The following POR variants were observed in gnomAD, a reference collection of about 807,000 sequenced individuals.
The protein encoded by POR is cytochrome p450 oxidoreductase.
Under a neutral mutation model 84.0 loss-of-function variants are expected in POR, and 56 were observed. The observed-to-expected ratio is 0.67, with a 90% CI of 0.54 to 0.83. The LOEUF is 0.83. Ranked by LOEUF, POR falls within the 40% of genes least tolerant of loss-of-function variation. The pLI is 0.00. For missense variants in POR, 938 were observed against 944.3 expected (o/e 0.99, Z 0.09); for synonymous variants, 414 against 400.5 (o/e 1.03, Z -0.40).
intron 2 of POR, among the ~76,000 whole-genome samples, chr7:75,965,244 G>A (rs530196453): frequency 1.4e-4 from 22 of 152,286 alleles, no homozygotes; most frequent in African/African-American, 3.8e-4. Context: ...ATGGAGAGCC[G>A]AGTGCAAATG....
rs374111607 is a variant in POR at position 75,972,403 on chromosome 7, T to C, written c.189-10T>C. 2.7e-4 allele frequency: 427 copies of C among 1,607,722 alleles called. No individual in the cohort carries two copies. The highest frequency in any genetic ancestry group is 1.8e-3 in the Middle Eastern group (11 of 6,052). The stretch of plus-strand genomic sequence containing the variant: ...GCCTCCCACGCTCATTGCACACTTT[T>C]GTCTTGCAGGACCTCCTCTGTCAGA... On this transcript the variant is annotated splice_polypyrimidine_tract_variant and intron_variant, in intron 2 of 15. Transcript: ENST00000461988.
At chr7:75,924,922 T>C (rs115678025) in intron 1 of POR, among the ~76,000 whole-genome samples, 2 of 152,130 alleles carry the variant, frequency 1.3e-5, no homozygotes, top group Admixed American at 1.3e-4. Flanking sequence ...AGGTGGCATA[T>C]CTAGGTTTTG....
intron 2 of POR, among the ~76,000 whole-genome samples, chr7:75,966,706 C>T (rs145847298): frequency 6.6e-6 from 1 of 152,306 alleles, no homozygotes; most frequent in Non-Finnish European, 1.5e-5. Context: ...TCAGCGTCGC[C>T]TGTGACGGGA....
intron 2 of POR, among the ~76,000 whole-genome samples, chr7:75,957,082 G>C (rs1361077306): frequency 6.6e-6 from 1 of 152,196 alleles, no homozygotes; most frequent in Non-Finnish European, 1.5e-5. Flanking sequence ...TGTCTAATCA[G>C]GGCCTCCTTG....
intron 1 of POR, among the ~76,000 whole-genome samples, chr7:75,952,610 CG>C (rs1406475827): frequency 2.0e-5 from 3 of 149,662 alleles, no homozygotes; most frequent in African/African-American, 7.4e-5. Context: ...TCAGACGGGG[CG>C]GCCGGGCAGA....
rs72557940 is a variant in POR, at chr7:75,983,714, C to G, written c.948-24C>G. The G allele has an allele frequency of 9.1e-5, 146 of 1,610,248 alleles. No homozygotes were observed. The East Asian group carries it at 2.7e-3, about 30-fold the overall frequency. Reference sequence around the variant, plus strand: ...GGGGCAGGGCCAGCCTTCCGCCCCTCCCGAGCCTCACATCTCCCTCCAGGT... The same window carrying G: ...GGGGCAGGGCCAGCCTTCCGCCCCTGCCGAGCCTCACATCTCCCTCCAGGT... On this transcript the variant is annotated intron_variant, in intron 9 of 15. Coordinates refer to ENST00000461988, the MANE Select transcript of POR (RefSeq NM_000941.3).
intron 1 of POR, among the ~76,000 whole-genome samples, chr7:75,927,253 C>T (rs1807174399): frequency 6.6e-6 from 1 of 152,102 alleles, no homozygotes; most frequent in Non-Finnish European, 1.5e-5. Context: ...CACCTGTAAT[C>T]CCAGCACTTT....
rs566251367 is a variant in POR at position 75,964,390 on chromosome 7, C to G, written c.189-8023C>G. On this transcript the variant is annotated intron_variant, in intron 2 of 15. Coordinates refer to ENST00000461988, the MANE Select transcript of POR (RefSeq NM_000941.3). Reference sequence around the variant, plus strand: ...TGGCGCAATCTCGGCTCACTGCCACCTCCGCCTCCCGGCTTCAGGCGATTC... The same window carrying G: ...TGGCGCAATCTCGGCTCACTGCCACGTCCGCCTCCCGGCTTCAGGCGATTC... Among the ~76,000 whole-genome samples, 5 of 152,134 alleles carry G rather than the reference C, an allele frequency of 3.3e-5. 1 individual carries two copies. The South Asian group carries it at 1.0e-3, about 31-fold the overall frequency.
intron 2 of POR, among the ~76,000 whole-genome samples, chr7:75,969,349 C>A (rs973672436): frequency 6.6e-6 from 1 of 152,034 alleles, no homozygotes; most frequent in Non-Finnish European, 1.5e-5. Context: ...AGTGTCAGAG[C>A]CAGGATTTAA....
chr7:75,957,913 T>C (rs1787756751), intron 2 of POR, among the ~76,000 whole-genome samples: 2 of 152,190 alleles, frequency 1.3e-5, no homozygotes, highest in Admixed American at 1.3e-4. Flanking sequence ...AGTTGGGTGC[T>C]CAAGGTTGAG....
At chr7:75,957,815 C>T (rs1031590644) in intron 2 of POR, among the ~76,000 whole-genome samples, 1 of 152,306 alleles carries the variant, frequency 6.6e-6, no homozygotes, top group South Asian at 2.1e-4. Context: ...CATTAAATCA[C>T]ACTGGATGCC....
intron 2 of POR, among the ~76,000 whole-genome samples, chr7:75,959,127 C>T (rs1554554166): frequency 3.3e-5 from 5 of 152,098 alleles, no homozygotes; most frequent in Non-Finnish European, 7.4e-5. Flanking sequence ...GATCCCAGCT[C>T]TTTGGGAGGC....
rs369539824 is a variant in POR, at chr7:75,936,936, C to T, written c.-4-17053C>T. ...CCACCTCCCGGGTTCATGCCATTCT[C>T]CTGCCTCAGCCTCCCAAGTAGCTGG... On this transcript the variant is annotated intron_variant, in intron 1 of 15. Transcript: ENST00000461988. 1.8e-4 allele frequency among the ~76,000 whole-genome samples: 27 copies of T among 150,232 alleles called. No homozygotes were observed. In the East Asian group the frequency reaches 3.8e-3, roughly 21 times the overall value.
intron 3 of POR, among the ~76,000 whole-genome samples, chr7:75,978,497 C>A (rs1407036404): frequency 1.3e-5 from 2 of 152,154 alleles, no homozygotes; most frequent in Non-Finnish European, 2.9e-5. Flanking sequence ...CATTTTATAG[C>A]AGGGACTTGA....
chr7:75,985,687 G>C lies in POR; in HGVS notation c.1507G>C (p.Ala503Pro), dbSNP rs782779195. ...CAACTGGCTGCGGGCCAAGGAGCCT[G>C]CCGGGGAGAACGGCGGCCGTGCGCT... The change falls in exon 13 of 16, where the codon GCC becomes CCC. Residue 503 changes from alanine to proline, a missense_variant. Coordinates refer to ENST00000461988, the MANE Select transcript of POR (RefSeq NM_000941.3). The C allele has an allele frequency of 1.1e-5, 18 of 1,594,398 alleles. No homozygotes were observed. Among genetic ancestry groups the C allele is most frequent in the Non-Finnish European group, 1.5e-5 (18 of 1,172,008 alleles).
rs1312625886 is a variant in POR at position 75,985,947 on chromosome 7, T to C, written c.1694T>C (p.Leu565Pro). 1.9e-6 allele frequency: 3 copies of C among 1,590,320 alleles called. No individual in the cohort carries two copies. The highest frequency in any genetic ancestry group is 1.7e-6 in the Non-Finnish European group (2 of 1,169,578). The change falls in exon 14 of 16, where the codon CTG becomes CCG. Residue 565 changes from leucine (L) to proline (P), a missense_variant. Coordinates refer to ENST00000461988, the MANE Select transcript of POR (RefSeq NM_000941.3). ...GGCAAGGAGGTGGGGGAGACGCTGC[T>C]GTACTACGGCTGCCGCCGCTCGGAT... is the stretch of plus-strand genomic sequence containing the variant.
intron 1 of POR, among the ~76,000 whole-genome samples, chr7:75,919,725 GC>G (rs1395806651): frequency 1.3e-5 from 2 of 152,040 alleles, no homozygotes; most frequent in Non-Finnish European, 2.9e-5. Flanking sequence ...GGTCGGTGTG[GC>G]AACTCAGTTG....
chr7:75,975,870 T>C (rs1554556762), intron 3 of POR, among the ~76,000 whole-genome samples: 1 of 126,194 alleles, frequency 7.9e-6, no homozygotes, highest in East Asian at 2.6e-4. Flanking sequence ...CAGGCTGTTC[T>C]CAAACTCCTG....
chr7:75,952,666 C>T (rs1554553057), intron 1 of POR, among the ~76,000 whole-genome samples: 6 of 150,790 alleles, frequency 4.0e-5, no homozygotes, highest in African/African-American at 1.5e-4. Context: ...GGCAGAGGCG[C>T]TCCTCACATC....
Sources: gnomAD v4.1 joint callset for allele counts (sites outside exome capture counted in the v4.1 genomes callset) on GRCh38, gnomAD v4.1.1 for gene constraint, MANE v1.5 for transcripts, NCBI Gene and HGNC (gene_info 2026-07-23, HGNC 2026-07-21) for gene names.